UROC1: variants seen among roughly 807,000 people sequenced by gnomAD.
The protein encoded by UROC1 is urocanate hydratase.
Under a neutral mutation model 89.5 loss-of-function variants are expected in UROC1, and 79 were observed. That is an observed-to-expected ratio of 0.88 (90% CI 0.74 to 1.06). The LOEUF (loss-of-function observed/expected upper bound fraction) is 1.06, where lower values mean the gene tolerates loss of function less well. UROC1 is among the 50% of genes least tolerant of loss of function. UROC1 has a pLI of 0.00. For missense variants in UROC1, 885 were observed against 907.8 expected, an observed-to-expected ratio of 0.97 and a Z score of 0.32; for synonymous variants, 361 against 354.8, an observed-to-expected ratio of 1.02 and a Z score of -0.20.
intron 16 of UROC1, among the ~76,000 whole-genome samples, chr3:126,490,636 G>A (rs531730213): frequency 6.6e-6 from 1 of 151,280 alleles, no homozygotes; most frequent in Admixed American, 6.6e-5. Context: ...AGTGAGCTGA[G>A]ACCACGCCTG....
intron 3 of UROC1, among the ~76,000 whole-genome samples, chr3:126,509,267 T>A (rs943028490): frequency 1.6e-4 from 24 of 151,142 alleles, no homozygotes; most frequent in Non-Finnish European, 2.9e-5. Flanking sequence ...AAAAAAATAA[T>A]ATTTTTGATA....
chr3:126,494,822 C>T (rs1410266170), intron 15 of UROC1, among the ~76,000 whole-genome samples: 2 of 151,496 alleles, frequency 1.3e-5, no homozygotes, highest in Non-Finnish European at 2.9e-5. Context: ...GTGAGGCAGC[C>T]CCACCCACCC....
chr3:126,501,890 C>A (rs1196148327), intron 9 of UROC1: 2 of 1,599,408 alleles, frequency 1.3e-6, no homozygotes, highest in Non-Finnish European at 8.5e-7. Context: ...ACACACAGTC[C>A]CAGGGCAGCA....
chr3:126,509,724 A>G (rs1330575258), intron 2 of UROC1, 46 bp from the exon 3 acceptor site: 2 of 1,525,132 alleles, frequency 1.3e-6, no homozygotes, highest in South Asian at 1.2e-5. Context: ...CCGCCAAAGC[A>G]CAGCATCTAG....
intron 18 of UROC1, among the ~76,000 whole-genome samples, chr3:126,486,511 A>G (rs1489330908): frequency 6.6e-6 from 1 of 152,262 alleles, no homozygotes; most frequent in Admixed American, 6.5e-5. Flanking sequence ...AGCGCTGGGC[A>G]GATGGCACAA....
chr3:126,489,832 C>T (rs1378884303), intron 16 of UROC1, among the ~76,000 whole-genome samples: 3 of 152,222 alleles, frequency 2.0e-5, no homozygotes, highest in Non-Finnish European at 4.4e-5. Flanking sequence ...TTTTAACTTA[C>T]GATGTATTCA....
intron 16 of UROC1, 35 bp downstream of exon 16, chr3:126,492,383 G>A (rs1464300788): frequency 6.3e-7 from 1 of 1,590,692 alleles, no homozygotes; most frequent in East Asian, 2.3e-5. Context: ...GGAAGAGGCT[G>A]AGGGATGCTT....
chr3:126,488,534 C>T (rs1318787940), intron 17 of UROC1, among the ~76,000 whole-genome samples: 2 of 152,224 alleles, frequency 1.3e-5, no homozygotes, highest in African/African-American at 4.8e-5. Context: ...TAAAGCACTC[C>T]GGAAGCAGAG....
intron 13 of UROC1, 27 bp from the exon 14 acceptor site, chr3:126,498,199 T>C: frequency 1.9e-6 from 3 of 1,613,810 alleles, no homozygotes; most frequent in Non-Finnish European, 2.5e-6. Flanking sequence ...CTCCTCACCC[T>C]GGGCCCGCTG....
At chr3:126,484,504 A>T (rs1428421097) in intron 18 of UROC1, among the ~76,000 whole-genome samples, 1 of 152,210 alleles carries the variant, frequency 6.6e-6, no homozygotes, top group Non-Finnish European at 1.5e-5. Context: ...AGCATGCAAA[A>T]TGTGCATCTA....
At chr3:126,500,944 T>C in intron 10 of UROC1, 70 bp from the exon 11 acceptor site, 1 of 1,584,930 alleles carries the variant, frequency 6.3e-7, no homozygotes, top group Non-Finnish European at 8.6e-7. Context: ...GCCAGCCAGG[T>C]GGGGACCCTA....
intron 4 of UROC1, 77 bp from the exon 5 acceptor site, chr3:126,508,172 C>G: frequency 6.2e-7 from 1 of 1,610,920 alleles, no homozygotes; most frequent in Non-Finnish European, 8.5e-7. Context: ...ACCGTCCACG[C>G]CTGGACAGCT....
chr3:126,488,269 C>T lies in UROC1; in HGVS notation c.1719G>A (p.Val573=). 1 of 1,614,242 alleles carries T rather than the reference C, an allele frequency of 6.2e-7. No individual in the cohort carries two copies. Among genetic ancestry groups the T allele is most frequent in the Non-Finnish European group, 8.5e-7 (1 of 1,180,040 alleles). Reference sequence around the variant, plus strand: ...GACAGGCATCTCCCACGAAGTTCTGCACAGCCATGTCTGCGGAAATAGAGA... The same window carrying T: ...GACAGGCATCTCCCACGAAGTTCTGTACAGCCATGTCTGCGGAAATAGAGA... ...DGSAFCADMA[V]QNFVGDACRG... Residue 573 remains valine (V), a synonymous_variant, in exon 18 of 20, where the codon GTG becomes GTA. Transcript: ENST00000290868.
At chr3:126,491,003 G>C (rs189918424) in intron 16 of UROC1, among the ~76,000 whole-genome samples, 1 of 152,138 alleles carries the variant, frequency 6.6e-6, no homozygotes, top group African/African-American at 2.4e-5. Flanking sequence ...ACAGGCCCCT[G>C]TGCCAGAAGA....
At chr3:126,506,631 C>G (rs1465887388) in intron 6 of UROC1, among the ~76,000 whole-genome samples, 1 of 152,244 alleles carries the variant, frequency 6.6e-6, no homozygotes, top group East Asian at 1.9e-4. Flanking sequence ...AGGCAAGGCA[C>G]AGAGGCCGGC....
chr3:126,512,401 C>T (rs766739662), intron 1 of UROC1, among the ~76,000 whole-genome samples: 4 of 152,220 alleles, frequency 2.6e-5, no homozygotes, highest in South Asian at 2.1e-4. Flanking sequence ...AGGAGCACGG[C>T]GCTCCCAGGA....
chr3:126,508,572 A>G, intron 3 of UROC1, 97 bp from the exon 4 acceptor site: 2 of 972,126 alleles, frequency 2.1e-6, no homozygotes, highest in Non-Finnish European at 1.6e-6. Flanking sequence ...TGGGGGCCCA[A>G]TGGGACAAGG....
At chr3:126,483,224 C>G (rs575269279) in intron 19 of UROC1, 145 bp downstream of exon 19, 1 of 753,238 alleles carries the variant, frequency 1.3e-6, no homozygotes, top group Admixed American at 2.0e-5. Context: ...CTGATTCCCC[C>G]TTCCTGGCTG....
intron 9 of UROC1, among the ~76,000 whole-genome samples, chr3:126,503,267 A>T (rs1041164078): frequency 6.6e-6 from 1 of 152,236 alleles, no homozygotes; most frequent in Non-Finnish European, 1.5e-5. Context: ...TTACATTTTC[A>T]TCAGAAACAG....
Sources: allele counts gnomAD v4.1 joint callset (sites outside exome capture counted in the v4.1 genomes callset), GRCh38; gene constraint gnomAD v4.1.1; transcripts MANE v1.5; gene names NCBI Gene and HGNC (gene_info 2026-07-23, HGNC 2026-07-21).